Variants in LARGE1 observed in about 807,000 individuals in gnomAD.
LARGE1 encodes LARGE xylosyl- and glucuronyltransferase 1, also known as xylosyl- and glucuronyltransferase LARGE1.
LARGE1 carries 43 observed loss-of-function variants against 87.6 expected under a neutral mutation model. That is an observed-to-expected ratio of 0.49 (90% CI 0.38 to 0.63). The LOEUF is 0.63. Ranked by LOEUF, LARGE1 falls within the 30% of genes least tolerant of loss-of-function variation. LARGE1 has a pLI of 0.00. For synonymous variants in LARGE1, 434 were observed against 394.6 expected (o/e 1.10, Z -1.18); for missense variants, 802 against 1,000.2 (o/e 0.80, Z 2.67).
At chr22:33,556,729 T>C (rs146285217) in intron 6 of LARGE1, among the ~76,000 whole-genome samples, 9,761 of 149,162 alleles carry the variant, frequency 0.065, 449 homozygotes, top group Non-Finnish European at 0.099. Flanking sequence ...AAAAAGAGGC[T>C]GGCTGCAGTG....
chr22:33,815,912 T>C (rs2086635205), intron 1 of LARGE1, among the ~76,000 whole-genome samples: 1 of 152,114 alleles, frequency 6.6e-6, no homozygotes, highest in Non-Finnish European at 1.5e-5. Context: ...GCTGAACCAT[T>C]TGCAGATCAT....
intron 5 of LARGE1, among the ~76,000 whole-genome samples, chr22:33,598,898 A>T (rs1316706912): frequency 6.6e-6 from 1 of 152,150 alleles, no homozygotes; most frequent in African/African-American, 2.4e-5. Context: ...CAGTAATGGG[A>T]TTGCTGAGTC....
chr22:33,853,826 A>G (rs893668110), intron 1 of LARGE1, among the ~76,000 whole-genome samples: 6 of 152,206 alleles, frequency 3.9e-5, no homozygotes, highest in Non-Finnish European at 7.3e-5. Flanking sequence ...TATTCACTGA[A>G]TGGATGGAAA....
the LARGE1 span, among the ~76,000 whole-genome samples, chr22:33,100,822 G>A: frequency 6.6e-6 from 1 of 151,502 alleles, no homozygotes; most frequent in African/African-American, 2.4e-5. Flanking sequence ...TGCCCAGGGA[G>A]CTTCTGCATT....
At chr22:33,444,932 C>T (rs974472299) in intron 6 of LARGE1, among the ~76,000 whole-genome samples, 16 of 152,084 alleles carry the variant, frequency 1.1e-4, no homozygotes, top group African/African-American at 3.1e-4. Context: ...CAGGTTCAAG[C>T]GATTCTCCTG....
the LARGE1 span, among the ~76,000 whole-genome samples, chr22:33,114,168 G>A: frequency 8.6e-5 from 13 of 152,014 alleles, no homozygotes; most frequent in Middle Eastern, 0.014. Flanking sequence ...GAGCCACCGC[G>A]CCCGGCCGAA....
At chr22:33,381,813 T>C in intron 9 of LARGE1, 106 bp downstream of exon 9, 1 of 1,431,340 alleles carries the variant, frequency 7.0e-7, no homozygotes, top group South Asian at 1.2e-5. Flanking sequence ...TGTGCCCTTA[T>C]CTCTCTCACC....
chr22:33,264,865 TC>T (rs558255046), intron 11 of LARGE1, among the ~76,000 whole-genome samples: 1 of 142,210 alleles, frequency 7.0e-6, no homozygotes, highest in Non-Finnish European at 1.5e-5. Context: ...AGGAAATCTC[TC>T]CCCTTTGACA....
intron 7 of LARGE1, 88 bp downstream of exon 7, chr22:33,432,073 A>C: frequency 9.2e-7 from 1 of 1,085,602 alleles, no homozygotes; most frequent in Non-Finnish European, 1.4e-6. Context: ...CCTCCTCCTG[A>C]GCTTTTGCAA....
At chr22:33,330,846 C>A (rs1054738947) in intron 10 of LARGE1, among the ~76,000 whole-genome samples, 3 of 152,172 alleles carry the variant, frequency 2.0e-5, no homozygotes. Context: ...GACTGGATGT[C>A]CTTATTTTTA....
At chr22:33,616,368 T>A (rs1481882157) in intron 4 of LARGE1, among the ~76,000 whole-genome samples, 1 of 151,616 alleles carries the variant, frequency 6.6e-6, no homozygotes, top group Non-Finnish European at 1.5e-5. Context: ...TAAGAAAATT[T>A]AAAAAATTAA....
intron 5 of LARGE1, among the ~76,000 whole-genome samples, chr22:33,586,456 CTTT>C (rs130421): frequency 1.4e-4 from 20 of 140,236 alleles, no homozygotes; most frequent in East Asian, 6.3e-4. Context: ...AACAAGATTT[CTTT>C]TTTTTTTTTT....
chr22:33,609,920 T>A (rs718683), intron 4 of LARGE1, among the ~76,000 whole-genome samples: 21,581 of 152,012 alleles, frequency 0.14, 1,695 homozygotes, highest in African/African-American at 0.21. Flanking sequence ...TCTCTTTTTT[T>A]AAACACTTTC....
chr22:33,337,906 G>C, intron 9 of LARGE1, 105 bp from the exon 10 acceptor site: 1 of 1,266,848 alleles, frequency 7.9e-7, no homozygotes, highest in Non-Finnish European at 1.1e-6. Context: ...ATTATTTGAG[G>C]GTCTGCTCAT....
the LARGE1 span, among the ~76,000 whole-genome samples, chr22:33,101,516 A>G: frequency 2.1e-4 from 32 of 152,148 alleles, no homozygotes; most frequent in Non-Finnish European, 8.8e-5. Flanking sequence ...ACTAGGAAAA[A>G]TAGATATGAT....
chr22:33,678,121 A>T (rs1223914575), intron 2 of LARGE1, among the ~76,000 whole-genome samples: 1 of 152,258 alleles, frequency 6.6e-6, no homozygotes, highest in Non-Finnish European at 1.5e-5. Context: ...TACTCAATTC[A>T]GAAAGAATCT....
intron 12 of LARGE1, among the ~76,000 whole-genome samples, chr22:33,287,907 C>T (rs148622037): frequency 4.6e-5 from 7 of 152,272 alleles, no homozygotes; most frequent in Admixed American, 2.0e-4. Context: ...TTAGACAAGG[C>T]GTCTAGCTCT....
chr22:33,693,945 A>G (rs1293521592), intron 2 of LARGE1, among the ~76,000 whole-genome samples: 1 of 152,096 alleles, frequency 6.6e-6, no homozygotes, highest in Non-Finnish European at 1.5e-5. Flanking sequence ...TTGCAGTGCA[A>G]CCCAGGTGTA....
At chr22:33,523,874 A>G (rs1041389326) in intron 6 of LARGE1, among the ~76,000 whole-genome samples, 1 of 152,220 alleles carries the variant, frequency 6.6e-6, no homozygotes, top group Non-Finnish European at 1.5e-5. Flanking sequence ...AGAAACTGTC[A>G]TGGGTACAAT....
Sources: allele counts gnomAD v4.1 joint callset (sites outside exome capture counted in the v4.1 genomes callset), GRCh38; gene constraint gnomAD v4.1.1; transcripts MANE v1.5; gene names NCBI Gene and HGNC (gene_info 2026-07-23, HGNC 2026-07-21).